The following WASL variants were observed in gnomAD, a reference collection of about 807,000 sequenced individuals.
The protein encoded by WASL is actin nucleation-promoting factor WASL.
Under a neutral mutation model 55.5 loss-of-function variants are expected in WASL, and 20 were observed. The ratio of observed to expected loss-of-function variants is 0.36; its 90% CI spans 0.25 to 0.52. The LOEUF is 0.52. Ranked by LOEUF, WASL falls within the 20% of genes least tolerant of loss-of-function variation. WASL has a pLI of 0.92. For missense variants in WASL, 504 were observed against 622.5 expected (o/e 0.81, Z 2.03); for synonymous variants, 249 against 217.6 (o/e 1.14, Z -1.27).
intron 1 of WASL, among the ~76,000 whole-genome samples, chr7:123,734,335 C>T (rs980486266): frequency 2.6e-5 from 4 of 152,036 alleles, no homozygotes; most frequent in Non-Finnish European, 5.9e-5. Flanking sequence ...AGGACCTGGA[C>T]GTCTCACCAA....
intron 1 of WASL, among the ~76,000 whole-genome samples, chr7:123,720,493 T>C (rs1803925836): frequency 6.6e-6 from 1 of 152,220 alleles, no homozygotes; most frequent in South Asian, 2.1e-4. Context: ...AACTTACATT[T>C]GCCTATGTAT....
intron 5 of WASL, among the ~76,000 whole-genome samples, chr7:123,702,414 C>T (rs1017219546): frequency 9.2e-5 from 14 of 152,168 alleles, no homozygotes; most frequent in South Asian, 8.3e-4. Context: ...TTATGAAACA[C>T]CACTGTTATA....
Position 123,683,347 on chromosome 7 carries a change from A to G in WASL, c.*1172T>C, listed in dbSNP as rs1029968546. The G allele has an allele frequency of 1.3e-5, 2 of 151,978 alleles. No individual in the cohort carries two copies. The highest frequency in any genetic ancestry group is 4.8e-5 in the African/African-American group (2 of 41,382). 9.4% of individuals were successfully genotyped at this position (151,978 alleles called of 1,614,324 possible). On this transcript the variant is annotated 3_prime_UTR_variant, in exon 11 of 11. Coordinates refer to ENST00000223023, the MANE Select transcript of WASL (RefSeq NM_003941.4). ...AACACACCATTTAGTATGCATAACA[A>G]ATGTGCAGGTTGTAAAGTTTTATCT...
At chr7:123,707,114 T>G (rs962564556) in intron 2 of WASL, among the ~76,000 whole-genome samples, 1 of 152,130 alleles carries the variant, frequency 6.6e-6, no homozygotes, top group Non-Finnish European at 1.5e-5. Flanking sequence ...AGCTACTTGG[T>G]CAAATACATA....
In WASL at chr7:123,706,780, T is replaced by C; in HGVS notation, c.299A>G (p.Tyr100Cys). The change falls in exon 3 of 11, where the codon TAT becomes TGT. Residue 100 changes from tyrosine (Y) to cysteine (C), a missense_variant. By Grantham distance (194) the Tyr-to-Cys change is radical (BLOSUM62 -2). Transcript: ENST00000223023. ...WEQELYNNFV[Y>C]NSPRGYFHTF... The stretch of plus-strand genomic sequence containing the variant: ...ATGAAAATATCCTCTAGGACTATTA[T>C]ATACAAAGTTATTGTATAGCTCTTG... 6.3e-7 allele frequency: 1 copy of C among 1,580,756 alleles called. No homozygotes were observed. The highest frequency in any genetic ancestry group is 8.6e-7 in the Non-Finnish European group (1 of 1,169,148).
intron 1 of WASL, among the ~76,000 whole-genome samples, chr7:123,745,204 G>A (rs1243867683): frequency 6.6e-6 from 1 of 152,044 alleles, no homozygotes; most frequent in African/African-American, 2.4e-5. Flanking sequence ...AATTGTTCTT[G>A]AATTCCCAAA....
chr7:123,730,295 G>C (rs923817272), intron 1 of WASL, among the ~76,000 whole-genome samples: 3 of 152,048 alleles, frequency 2.0e-5, no homozygotes, highest in Non-Finnish European at 4.4e-5. Flanking sequence ...AATAAATGGT[G>C]AATAATTTTT....
At chr7:123,702,503 C>T (rs998607829) in intron 5 of WASL, among the ~76,000 whole-genome samples, 1 of 152,126 alleles carries the variant, frequency 6.6e-6, no homozygotes, top group African/African-American at 2.4e-5. Flanking sequence ...TTCAGCCCTC[C>T]ATATTCACAG....
intron 9 of WASL, 108 bp downstream of exon 9, chr7:123,692,239 T>A: frequency 7.1e-7 from 1 of 1,400,358 alleles, no homozygotes; most frequent in South Asian, 1.4e-5. Context: ...AAGAATGAAT[T>A]AGCAAGAGGA....
intron 5 of WASL, among the ~76,000 whole-genome samples, chr7:123,702,074 G>A (rs554497708): frequency 6.9e-4 from 104 of 150,734 alleles, no homozygotes; most frequent in Non-Finnish European, 1.4e-3. Context: ...TTTTTTTTGA[G>A]ACGGAGTCTT....
At position 123,696,636 on chromosome 7, in the gene WASL, C is replaced by G; in HGVS notation, c.572G>C (p.Gly191Ala). Residue 191 changes from glycine (G) to alanine (A), a missense_variant, in exon 6 of 11, where the codon GGA becomes GCA. Gly to Ala is a moderately conservative substitution (Grantham distance 60). Transcript: ENST00000223023. ...NISHTKEKKK[G>A]KAKKKRLTKA... is the part of the protein sequence containing the mutation. Reference sequence around the variant, plus strand: ...GGTTAATCTCTTCTTTTTAGCTTTTCCCTTCTTCTTTTCTTTGGTATGGGA... The same window carrying G: ...GGTTAATCTCTTCTTTTTAGCTTTTGCCTTCTTCTTTTCTTTGGTATGGGA... The G allele has an allele frequency of 6.2e-7, 1 of 1,601,904 alleles. No individual in the cohort carries two copies.
At chr7:123,705,157 G>A (rs911826994) in intron 4 of WASL, among the ~76,000 whole-genome samples, 1 of 152,208 alleles carries the variant, frequency 6.6e-6, no homozygotes, top group Non-Finnish European at 1.5e-5. Flanking sequence ...CCAGCTGACA[G>A]ATCATGGTGG....
rs1803742844 is a variant in WASL, at chr7:123,710,835, G to C, written c.118-1612C>G. Among the ~76,000 whole-genome samples, 3 of 152,126 alleles carry C rather than the reference G, an allele frequency of 2.0e-5. No individual in the cohort carries two copies. In the South Asian group the frequency reaches 6.2e-4, roughly 32 times the overall value. ...TCAAAACACACTTGTGTTTGCAAGT[G>C]CACAATCTCAGGATGATAGTGCCAC... On this transcript the variant is annotated intron_variant, in intron 1 of 10. Coordinates refer to ENST00000223023, the MANE Select transcript of WASL (RefSeq NM_003941.4).
intron 1 of WASL, among the ~76,000 whole-genome samples, chr7:123,712,548 A>G (rs1353655150): frequency 6.6e-6 from 1 of 152,228 alleles, no homozygotes; most frequent in East Asian, 1.9e-4. Context: ...GGTAAATGTA[A>G]TAAACATTTG....
intron 1 of WASL, among the ~76,000 whole-genome samples, chr7:123,726,379 T>A (rs926887282): frequency 2.0e-5 from 3 of 152,116 alleles, no homozygotes; most frequent in Non-Finnish European, 4.4e-5. Context: ...ACACAAAAAA[T>A]TTGAGATGGA....
At chr7:123,746,553 A>G (rs546025781) in intron 1 of WASL, among the ~76,000 whole-genome samples, 2 of 152,362 alleles carry the variant, frequency 1.3e-5, no homozygotes, top group East Asian at 1.9e-4. Context: ...TCTATTAACT[A>G]GGGACTTCAA....
chr7:123,737,995 T>C (rs1804266969), intron 1 of WASL, among the ~76,000 whole-genome samples: 1 of 152,006 alleles, frequency 6.6e-6, no homozygotes, highest in South Asian at 2.1e-4. Context: ...CAAAAACAAA[T>C]AATCCAATAG....
intron 1 of WASL, among the ~76,000 whole-genome samples, chr7:123,728,681 A>C (rs1804091253): frequency 6.6e-6 from 1 of 152,092 alleles, no homozygotes; most frequent in South Asian, 2.1e-4. Flanking sequence ...CTCTACTAAA[A>C]ATACAAAAAA....
intron 10 of WASL, among the ~76,000 whole-genome samples, 198 bp downstream of exon 10, chr7:123,688,844 T>C (rs1250623895): frequency 6.6e-6 from 1 of 152,184 alleles, no homozygotes; most frequent in African/African-American, 2.4e-5. Context: ...ATTTGTTAAG[T>C]CTCAGAGAGA....
Sources: gnomAD v4.1 joint callset for allele counts (sites outside exome capture counted in the v4.1 genomes callset) on GRCh38, gnomAD v4.1.1 for gene constraint, MANE v1.5 for transcripts, NCBI Gene and HGNC (gene_info 2026-07-23, HGNC 2026-07-21) for gene names.